Variants in CTNNA3 observed in about 807,000 individuals in gnomAD.
The protein encoded by CTNNA3 is catenin alpha-3.
CTNNA3 carries 76 observed loss-of-function variants against 95.7 expected under a neutral mutation model. The ratio of observed to expected loss-of-function variants is 0.79; its 90% CI spans 0.66 to 0.96. The LOEUF (loss-of-function observed/expected upper bound fraction) is 0.96, where lower values mean the gene tolerates loss of function less well. Ranked by LOEUF, CTNNA3 falls within the 40% of genes least tolerant of loss-of-function variation. The pLI is 0.00. For synonymous variants in CTNNA3, 431 were observed against 374.4 expected, an observed-to-expected ratio of 1.15 and a Z score of -1.74; for missense variants, 1,191 against 1,089.8, an observed-to-expected ratio of 1.09 and a Z score of -1.31.
intron 5 of CTNNA3, among the ~76,000 whole-genome samples, chr10:67,400,296 T>C (rs1270198274): frequency 6.6e-6 from 1 of 152,232 alleles, no homozygotes; most frequent in Non-Finnish European, 1.5e-5. Context: ...CATGTCAAAG[T>C]ACTGTGACAA....
Position 66,972,700 on chromosome 10 carries a change from ATTTTTTT to A in CTNNA3, c.1048-197183_1048-197177del, listed in dbSNP as rs56664927. ...ACAATTTAAAGGTTCTGTCAAATAG[ATTTTTTT>A]TTTTTTTTTTTTTTTTTTTATGAAA... is the stretch of plus-strand genomic sequence containing the variant. On this transcript the variant is annotated intron_variant, in intron 7 of 17. Transcript: ENST00000433211. Among the ~76,000 whole-genome samples the A allele has an allele frequency of 0.029, 3,125 of 108,680 alleles. 306 individuals carry two copies. In the East Asian group the frequency reaches 0.41, roughly 14 times the overall value. The allele number at this position is 108,680 out of a possible 152,430, so 71.3% of individuals were successfully genotyped here. A position where few individuals can be genotyped will look rare whatever the true frequency, so the allele number is the denominator to read the frequency against.
chr10:66,710,008 A>G (rs1848241441), intron 9 of CTNNA3, among the ~76,000 whole-genome samples: 1 of 152,166 alleles, frequency 6.6e-6, no homozygotes, highest in African/African-American at 2.4e-5. Flanking sequence ...AATAAATTGG[A>G]TGTGTCAATG....
At chr10:67,191,558 T>C (rs1863119907) in intron 6 of CTNNA3, among the ~76,000 whole-genome samples, 1 of 151,800 alleles carries the variant, frequency 6.6e-6, no homozygotes, top group African/African-American at 2.4e-5. Context: ...GAAAGATCTG[T>C]GGTTACATTA....
chr10:66,236,401 T>A (rs144384371), intron 13 of CTNNA3, among the ~76,000 whole-genome samples: 4 of 152,310 alleles, frequency 2.6e-5, no homozygotes, highest in African/African-American at 7.2e-5. Flanking sequence ...AGATTGAATA[T>A]ATTTTGAAGC....
At chr10:66,340,902 GTA>G (rs2092447887) in intron 12 of CTNNA3, among the ~76,000 whole-genome samples, 1 of 151,822 alleles carries the variant, frequency 6.6e-6, no homozygotes. Flanking sequence ...AGTGTTGGTA[GTA>G]AAAATTATGC....
chr10:67,347,295 C>T (rs1199311579), intron 5 of CTNNA3, among the ~76,000 whole-genome samples: 2 of 151,938 alleles, frequency 1.3e-5, no homozygotes, highest in African/African-American at 4.8e-5. Flanking sequence ...AACTCCTGAG[C>T]TCAAAGCCAT....
intron 12 of CTNNA3, among the ~76,000 whole-genome samples, chr10:66,335,914 C>T (rs1351563107): frequency 6.6e-6 from 1 of 152,126 alleles, no homozygotes; most frequent in Non-Finnish European, 1.5e-5. Context: ...TTTACCTACT[C>T]AAGCCTGGGC....
intron 7 of CTNNA3, among the ~76,000 whole-genome samples, chr10:66,778,984 TTAAATAAAAA>T (rs778852107): frequency 3.9e-4 from 59 of 151,790 alleles, no homozygotes; most frequent in Admixed American, 6.6e-4. Context: ...CAAAAAACAT[TTAAATAAAAA>T]TAAATAAAAT....
intron 13 of CTNNA3, among the ~76,000 whole-genome samples, chr10:66,111,589 A>G (rs970929866): frequency 2.6e-5 from 4 of 152,232 alleles, no homozygotes; most frequent in South Asian, 2.1e-4. Flanking sequence ...ATAAAACACA[A>G]TCCTTGCCCT....
chr10:67,298,083 A>G (rs937672298), intron 5 of CTNNA3, among the ~76,000 whole-genome samples: 2 of 152,226 alleles, frequency 1.3e-5, no homozygotes, highest in African/African-American at 4.8e-5. Context: ...TCACATGGGA[A>G]TCCCAAACTG....
intron 10 of CTNNA3, among the ~76,000 whole-genome samples, chr10:66,535,550 G>C (rs929254335): frequency 6.6e-6 from 1 of 152,082 alleles, no homozygotes; most frequent in Non-Finnish European, 1.5e-5. Context: ...CATCTGGCAG[G>C]TTCTATTTGA....
At chr10:67,507,472 T>G (rs1839462755) in intron 5 of CTNNA3, among the ~76,000 whole-genome samples, 1 of 151,768 alleles carries the variant, frequency 6.6e-6, no homozygotes. Context: ...AGGCAGAGGT[T>G]TCAGTGAACT....
intron 5 of CTNNA3, among the ~76,000 whole-genome samples, chr10:67,427,408 G>A (rs1845958304): frequency 6.6e-6 from 1 of 152,012 alleles, no homozygotes; most frequent in African/African-American, 2.4e-5. Context: ...GATTAGATAT[G>A]TCATATTGTT....
intron 10 of CTNNA3, among the ~76,000 whole-genome samples, chr10:66,561,960 C>T (rs1842567186): frequency 1.3e-5 from 2 of 151,822 alleles, no homozygotes; most frequent in Non-Finnish European, 2.9e-5. Context: ...GATAAGGGAT[C>T]GAGTACCACA....
At chr10:66,461,786 G>C (rs1425118573) in intron 11 of CTNNA3, among the ~76,000 whole-genome samples, 1 of 149,538 alleles carries the variant, frequency 6.7e-6, no homozygotes, top group African/African-American at 2.5e-5. Flanking sequence ...TCCTTCTACT[G>C]CTGAAGTAAT....
At chr10:66,517,783 G>T (rs1329734491) in intron 11 of CTNNA3, among the ~76,000 whole-genome samples, 1 of 152,070 alleles carries the variant, frequency 6.6e-6, no homozygotes, top group Non-Finnish European at 1.5e-5. Flanking sequence ...CTCTCTTGGG[G>T]TCTAGAATGG....
At chr10:67,701,414 A>G (rs1250523175) in intron 1 of CTNNA3, among the ~76,000 whole-genome samples, 1 of 152,252 alleles carries the variant, frequency 6.6e-6, no homozygotes, top group Non-Finnish European at 1.5e-5. Flanking sequence ...CCATCAGACT[A>G]ACAGTGGATG....
At chr10:67,573,825 G>T (rs1215802957) in intron 3 of CTNNA3, among the ~76,000 whole-genome samples, 2 of 149,798 alleles carry the variant, frequency 1.3e-5, no homozygotes, top group African/African-American at 4.9e-5. Flanking sequence ...TGTATCAAAT[G>T]CTGATAATCT....
At chr10:65,960,149 A>G (rs991240947) in intron 17 of CTNNA3, among the ~76,000 whole-genome samples, 3 of 152,242 alleles carry the variant, frequency 2.0e-5, no homozygotes, top group African/African-American at 7.2e-5. Flanking sequence ...GGGATTTATC[A>G]GCAAGAAATT....
Sources: gnomAD v4.1 joint callset for allele counts (sites outside exome capture counted in the v4.1 genomes callset) on GRCh38, gnomAD v4.1.1 for gene constraint, MANE v1.5 for transcripts, NCBI Gene and HGNC (gene_info 2026-07-23, HGNC 2026-07-21) for gene names.